The following IKZF2 variants were observed in gnomAD, a reference collection of about 807,000 sequenced individuals.
The protein encoded by IKZF2 is zinc finger protein Helios.
Under a neutral mutation model 49.2 loss-of-function variants are expected in IKZF2, and 15 were observed. That is an observed-to-expected ratio of 0.30 (90% confidence interval 0.20 to 0.47). The LOEUF (loss-of-function observed/expected upper bound fraction) is 0.47, where lower values mean the gene tolerates loss of function less well. Ranked by LOEUF, IKZF2 falls within the 20% of genes least tolerant of loss-of-function variation. The pLI, the probability that IKZF2 is intolerant of heterozygous loss-of-function variation, is 1.00. For missense variants in IKZF2, 567 were observed against 664.6 expected (o/e 0.85, Z 1.61); for synonymous variants, 227 against 221.4 (o/e 1.03, Z -0.23).
rs1262859783 is a variant in IKZF2, at chr2:213,133,583, T to G, written c.139+14125A>C. Among the ~76,000 whole-genome samples the G allele has an allele frequency of 1.3e-5, 2 of 151,744 alleles. 1 individual carries two copies. The highest frequency in any genetic ancestry group is 3.9e-4 in the East Asian group (2 of 5,176). On this transcript the variant is annotated intron_variant, in intron 4 of 8. Transcript: ENST00000434687. ...CAGTCTCTACTAAAAATACAAAAAT[T>G]TGCTAGGCATGGTGGCAGGTACCTG...
intron 4 of IKZF2, among the ~76,000 whole-genome samples, chr2:213,132,732 T>C (rs546002001): frequency 3.3e-5 from 5 of 152,338 alleles, no homozygotes; most frequent in South Asian, 2.1e-4. Flanking sequence ...AGCCAAGACC[T>C]GCCAGCAAAC....
chr2:213,084,549 T>C (rs77540917), intron 4 of IKZF2, among the ~76,000 whole-genome samples: 2,123 of 151,904 alleles, frequency 0.014, 59 homozygotes, highest in African/African-American at 0.048. Context: ...ACAAAAAGGT[T>C]TCTGAAAAAA....
At position 213,143,623 on chromosome 2, in the gene IKZF2, C is replaced by A. The variant is rs114683533; in HGVS notation, c.139+4085G>T. On this transcript the variant is annotated intron_variant, in intron 4 of 8. Coordinates refer to ENST00000434687, the MANE Select transcript of IKZF2 (RefSeq NM_001387220.1). ...GGTATATACACAAACCTAAGTATGG[C>A]GACTTAAAACAGAAGATTTTCTATC... Among the ~76,000 whole-genome samples the A allele has an allele frequency of 5.9e-5, 9 of 151,794 alleles. No homozygotes were observed. The East Asian group carries it at 1.5e-3, about 26-fold the overall frequency.
chr2:213,105,525 C>T (rs2059494196), intron 4 of IKZF2, among the ~76,000 whole-genome samples: 2 of 137,602 alleles, frequency 1.5e-5, no homozygotes, highest in African/African-American at 5.6e-5. Flanking sequence ...CTCAAACATT[C>T]CCAAAAAGCT....
chr2:213,145,566 A>G (rs1342250493), intron 4 of IKZF2, among the ~76,000 whole-genome samples: 1 of 152,036 alleles, frequency 6.6e-6, no homozygotes, highest in East Asian at 1.9e-4. Context: ...TGTTCTAATT[A>G]ATAGACGAGA....
intron 3 of IKZF2, 111 bp downstream of exon 3, chr2:213,148,485 G>GA (rs778277661): frequency 5.5e-6 from 4 of 728,462 alleles, no homozygotes; most frequent in Admixed American, 2.6e-5. Context: ...TGAACAGAGA[G>GA]AAAAAAGAGT....
At chr2:213,066,718 C>G (rs548803491) in intron 4 of IKZF2, among the ~76,000 whole-genome samples, 10 of 152,044 alleles carry the variant, frequency 6.6e-5, no homozygotes, top group African/African-American at 9.6e-5. Flanking sequence ...TGTTGTTGTT[C>G]TTCTTCTTTA....
chr2:213,095,696 G>A (rs1705894884), intron 4 of IKZF2, among the ~76,000 whole-genome samples: 1 of 152,028 alleles, frequency 6.6e-6, no homozygotes, highest in African/African-American at 2.4e-5. Context: ...TGGTAGAAAT[G>A]TGTGTTAATG....
At chr2:213,104,799 G>A (rs900804348) in intron 4 of IKZF2, among the ~76,000 whole-genome samples, 13 of 152,116 alleles carry the variant, frequency 8.5e-5, no homozygotes, top group African/African-American at 1.7e-4. Flanking sequence ...ATAAGGTCAC[G>A]CCTTAAAAGA....
chr2:213,026,203 T>C lies in IKZF2; in HGVS notation c.575-4073A>G, dbSNP rs560744240. 7.2e-5 allele frequency among the ~76,000 whole-genome samples: 11 copies of C among 152,268 alleles called. No individual in the cohort carries two copies. The South Asian group carries it at 1.0e-3, about 14-fold the overall frequency. Reference sequence around the variant, plus strand: ...TCTGAGTTTTGTTTGTTGCTGTAATTGCCTCACATGATTTCTACCTCTTGA... The same window carrying C: ...TCTGAGTTTTGTTTGTTGCTGTAATCGCCTCACATGATTTCTACCTCTTGA... On this transcript the variant is annotated intron_variant, in intron 6 of 8. Coordinates refer to ENST00000434687, the MANE Select transcript of IKZF2 (RefSeq NM_001387220.1).
In IKZF2 at chr2:213,056,939, T is replaced by C. The variant is rs755229050; in HGVS notation, c.300A>G (p.Gln100=). The change falls in exon 5 of 9, where the codon CAA becomes CAG. Residue 100 remains glutamine (Q), a synonymous_variant. Transcript: ENST00000434687. Reference sequence around the variant, plus strand: ...TCGGAAGCCGGATTCCTCCCTCGCCTTGAAGCTCCTGGACTTTCCTGTTGT... The same window carrying C: ...TCGGAAGCCGGATTCCTCCCTCGCCCTGAAGCTCCTGGACTTTCCTGTTGT... The part of the protein sequence containing the change: ...VADNRKVQEL[Q]GEGGIRLPNG... 3.1e-6 allele frequency: 5 copies of C among 1,613,732 alleles called. No homozygotes were observed. Among genetic ancestry groups the C allele is most frequent in the East Asian group, 2.2e-5 (1 of 44,870 alleles).
intron 6 of IKZF2, among the ~76,000 whole-genome samples, chr2:213,048,346 G>A (rs900215158): frequency 4.6e-5 from 7 of 152,016 alleles, no homozygotes; most frequent in African/African-American, 1.7e-4. Context: ...ACAAAAATAA[G>A]ATGGATGTTT....
intron 8 of IKZF2, among the ~76,000 whole-genome samples, chr2:213,012,826 G>A (rs1696117516): frequency 6.6e-6 from 1 of 151,916 alleles, no homozygotes; most frequent in Non-Finnish European, 1.5e-5. Context: ...ATTTAATCAG[G>A]ATGTCCCACA....
chr2:213,007,684 G>C lies in IKZF2; in HGVS notation c.1257C>G (p.Ser419=). The change falls in exon 9 of 9, where the codon TCC becomes TCG. Residue 419 remains serine (S), a synonymous_variant. Transcript: ENST00000434687. ...GATTTAAGGCAGGGTGTCCTTGGTA[G>C]GACTGGTGGTCATCATGGCTGCTTT... ...DSESSHDDHQ[S]YQGHPALNPK... 1.2e-6 allele frequency: 2 copies of C among 1,613,750 alleles called. No homozygotes were observed.
chr2:213,064,623 A>C (rs1021032438), intron 4 of IKZF2, among the ~76,000 whole-genome samples: 2 of 152,038 alleles, frequency 1.3e-5, no homozygotes, highest in Non-Finnish European at 2.9e-5. Context: ...AGAGAAAATA[A>C]ACCTACTTTA....
At position 213,150,267 on chromosome 2, in the gene IKZF2, G is replaced by GAT; in HGVS notation, c.-119-21_-119-20insAT. On this transcript the variant is annotated intron_variant, in intron 1 of 8. Coordinates refer to ENST00000434687, the MANE Select transcript of IKZF2 (RefSeq NM_001387220.1). ...GTCGGGCTGAAGATAAACGGAGGGA[G>GAT]AAAGAAAGAAGTTTTTTGTGTTTCC... 1 of 1,009,770 alleles carries GAT rather than the reference G, an allele frequency of 9.9e-7. No homozygotes were observed. Among genetic ancestry groups the GAT allele is most frequent in the Non-Finnish European group, 1.4e-6 (1 of 722,548 alleles). The allele number at this position is 1,009,770 out of a possible 1,614,324, so 62.6% of individuals were successfully genotyped here.
intron 4 of IKZF2, among the ~76,000 whole-genome samples, chr2:213,124,253 CA>C (rs869283855): frequency 7.4e-4 from 18 of 24,240 alleles, no homozygotes; most frequent in African/African-American, 3.8e-3. Flanking sequence ...CGCGCGCGCG[CA>C]CACACACACA....
At chr2:213,082,834 C>T (rs1704094234) in intron 4 of IKZF2, among the ~76,000 whole-genome samples, 1 of 152,186 alleles carries the variant, frequency 6.6e-6, no homozygotes, top group Non-Finnish European at 1.5e-5. Context: ...TCACTTATTA[C>T]ATCCATAAAC....
chr2:213,147,544 T>C, intron 4 of IKZF2, 164 bp downstream of exon 4: 2 of 719,746 alleles, frequency 2.8e-6, no homozygotes, highest in South Asian at 1.4e-5. Flanking sequence ...TCATGTTTTA[T>C]AATACTAGAA....
Sources: allele counts gnomAD v4.1 joint callset (sites outside exome capture counted in the v4.1 genomes callset), GRCh38; gene constraint gnomAD v4.1.1; transcripts MANE v1.5; gene names NCBI Gene and HGNC (gene_info 2026-07-23, HGNC 2026-07-21).